The following DOCK1 variants were observed in gnomAD, a reference collection of about 807,000 sequenced individuals.
DOCK1 encodes dedicator of cytokinesis 1, also known as dedicator of cytokinesis protein 1.
A neutral mutation model predicts 262.7 loss-of-function variants in DOCK1; 138 were observed. The observed-to-expected ratio is 0.53, with a 90% CI of 0.46 to 0.61. The LOEUF (loss-of-function observed/expected upper bound fraction) is 0.61. Among genes scored for constraint, DOCK1 ranks in the 20% least tolerant of loss-of-function variants. DOCK1 has a pLI of 0.00. For missense variants in DOCK1, 1,908 were observed against 2,370.7 expected (o/e 0.80, Z 4.05); for synonymous variants, 866 against 867.4 (o/e 1.00, Z 0.03).
chr10:127,233,223 T>C (rs2058920363), intron 27 of DOCK1, among the ~76,000 whole-genome samples: 1 of 152,234 alleles, frequency 6.6e-6, no homozygotes, highest in Non-Finnish European at 1.5e-5. Flanking sequence ...TGATCAATGC[T>C]AAGTGTTTAT....
chr10:127,195,504 G>A lies in DOCK1; in HGVS notation c.2848-52504G>A, dbSNP rs544724551. Among the ~76,000 whole-genome samples, 3 of 151,920 alleles carry A rather than the reference G, an allele frequency of 2.0e-5. No individual in the cohort carries two copies. In the East Asian group the frequency reaches 5.8e-4, roughly 29 times the overall value. On this transcript the variant is annotated intron_variant, in intron 27 of 51. Coordinates refer to ENST00000623213, the MANE Select transcript of DOCK1 (RefSeq NM_001290223.2). ...CCTCTCCTCAACGGCCGGCGTCAGG[G>A]CCCCTCTGTTCCAACTCATCCCCCC...
At chr10:127,149,655 G>A (rs1299406409) in intron 27 of DOCK1, among the ~76,000 whole-genome samples, 1 of 152,094 alleles carries the variant, frequency 6.6e-6, no homozygotes, top group African/African-American at 2.4e-5. Flanking sequence ...AAGACAGGCA[G>A]GGTCAAATTC....
At chr10:126,973,903 C>T (rs1565020101) in intron 2 of DOCK1, among the ~76,000 whole-genome samples, 2 of 151,920 alleles carry the variant, frequency 1.3e-5, no homozygotes, top group Non-Finnish European at 2.9e-5. Context: ...TGATCCTTTC[C>T]AGGATATTAC....
chr10:127,112,860 G>A (rs901414123), intron 25 of DOCK1, among the ~76,000 whole-genome samples: 1 of 152,144 alleles, frequency 6.6e-6, no homozygotes, highest in Non-Finnish European at 1.5e-5. Context: ...TTTGGCCAAC[G>A]TGAAAATGGT....
chr10:126,967,766 G>A (rs1246606702), intron 1 of DOCK1, among the ~76,000 whole-genome samples: 1 of 152,032 alleles, frequency 6.6e-6, no homozygotes, highest in Admixed American at 6.6e-5. Flanking sequence ...TGATTACATT[G>A]GGCCCACCTG....
chr10:127,053,503 T>TACTC lies in DOCK1; in HGVS notation c.2336+690_2336+693dup, dbSNP rs1483356382. ...CATAGGGTATTTCCGTGAGGAAGGA[T>TACTC]ACTCAGGTGCTTTAGCCTAGTGACA... On this transcript the variant is annotated intron_variant, in intron 22 of 51. Transcript: ENST00000623213. Among the ~76,000 whole-genome samples the TACTC allele has an allele frequency of 3.9e-5, 6 of 152,342 alleles. No homozygotes were observed. In the East Asian group the frequency reaches 1.2e-3, roughly 29 times the overall value.
chr10:127,428,927 T>C (rs1268252981), intron 47 of DOCK1, among the ~76,000 whole-genome samples: 1 of 125,868 alleles, frequency 7.9e-6, no homozygotes, highest in East Asian at 2.9e-4. Flanking sequence ...TGGGGTACCG[T>C]GTGGATTGTG....
In DOCK1 at chr10:127,404,325, A is replaced by G; in HGVS notation, c.4018A>G (p.Lys1340Glu). The change falls in exon 40 of 52, where the codon AAA (lysine) becomes GAA (glutamate). Residue 1340 changes from lysine (K) to glutamate (E), a missense_variant and splice_region_variant. By Grantham distance (56) the Lys-to-Glu change is moderately conservative. This residue lies in a region of DOCK1 where 267 missense variants were observed against 366.3 expected (regional missense o/e 0.73). Coordinates refer to ENST00000623213, the MANE Select transcript of DOCK1 (RefSeq NM_001290223.2). ...AATGCATTTTCTTTTTTCCTTCCAG[A>G]AAAAACAGGCTCAGTTTTATGAAAA... ...FDYEQLSELL[K>E]KQAQFYENIV... 1 of 1,612,794 alleles carries G rather than the reference A, an allele frequency of 6.2e-7. No homozygotes were observed. Among genetic ancestry groups the G allele is most frequent in the Non-Finnish European group, 8.5e-7 (1 of 1,179,352 alleles).
intron 43 of DOCK1, 42 bp downstream of exon 43, chr10:127,410,966 T>C: frequency 6.3e-7 from 1 of 1,588,274 alleles, no homozygotes; most frequent in Non-Finnish European, 8.6e-7. Context: ...ACAAAAAATA[T>C]CATTCCGCCA....
intron 27 of DOCK1, chr10:127,137,987 T>A: frequency 6.2e-7 from 1 of 1,612,186 alleles, no homozygotes; most frequent in Non-Finnish European, 8.5e-7. Context: ...CCGGCTGGAG[T>A]TTGTCTTCTT....
chr10:127,344,341 A>T (rs1384556733), intron 31 of DOCK1: 1 of 152,202 alleles, frequency 6.6e-6, no homozygotes, highest in Non-Finnish European at 1.5e-5. Context: ...CAGTATCAAG[A>T]AGCACCATTG....
chr10:127,144,751 A>G (rs952924344), intron 27 of DOCK1, among the ~76,000 whole-genome samples: 2 of 152,262 alleles, frequency 1.3e-5, no homozygotes, highest in African/African-American at 4.8e-5. Context: ...CAACACTTTA[A>G]ATATAGAAAT....
At chr10:127,416,271 G>C (rs536965499) in intron 44 of DOCK1, among the ~76,000 whole-genome samples, 2 of 152,376 alleles carry the variant, frequency 1.3e-5, no homozygotes, top group East Asian at 3.9e-4. Context: ...CTGACAGATA[G>C]AAGGCTGTGG....
intron 27 of DOCK1, among the ~76,000 whole-genome samples, chr10:127,172,543 C>A (rs1170551687): frequency 1.3e-5 from 2 of 152,078 alleles, no homozygotes; most frequent in Non-Finnish European, 2.9e-5. Flanking sequence ...GAATTTCAGC[C>A]AAATTAATGA....
intron 1 of DOCK1, among the ~76,000 whole-genome samples, chr10:126,925,032 TAAAA>T (rs1298558130): frequency 6.6e-6 from 1 of 152,244 alleles, no homozygotes; most frequent in Admixed American, 6.5e-5. Flanking sequence ...CCCACGTTTT[TAAAA>T]ACTGGTTTAG....
At chr10:126,917,206 G>C (rs1275320168) in intron 1 of DOCK1, among the ~76,000 whole-genome samples, 1 of 152,232 alleles carries the variant, frequency 6.6e-6, no homozygotes, top group Admixed American at 6.5e-5. Context: ...TTCACAGCAC[G>C]AGGGAAGCCA....
At chr10:126,962,087 T>G (rs2037268336) in intron 1 of DOCK1, among the ~76,000 whole-genome samples, 1 of 151,902 alleles carries the variant, frequency 6.6e-6, no homozygotes, top group Non-Finnish European at 1.5e-5. Flanking sequence ...AACCTCCGCC[T>G]CCCGGATTCA....
At chr10:127,445,282 C>A (rs1013696917) in intron 50 of DOCK1, among the ~76,000 whole-genome samples, 3 of 152,138 alleles carry the variant, frequency 2.0e-5, no homozygotes, top group Admixed American at 6.5e-5. Context: ...GGGTCCCAGG[C>A]AGGAGAGCTC....
At chr10:127,386,741 A>G (rs2066144921) in intron 38 of DOCK1, among the ~76,000 whole-genome samples, 2 of 152,132 alleles carry the variant, frequency 1.3e-5, no homozygotes, top group South Asian at 4.2e-4. Flanking sequence ...GATCAATGTA[A>G]TGCCCGTGAA....
Sources: allele counts gnomAD v4.1 joint callset (sites outside exome capture counted in the v4.1 genomes callset), GRCh38; gene constraint gnomAD v4.1.1; regional missense constraint gnomAD v4.1.1; transcripts MANE v1.5; gene names NCBI Gene and HGNC (gene_info 2026-07-23, HGNC 2026-07-21).